Variants in MMADHC observed in about 807,000 individuals in gnomAD.
The protein encoded by MMADHC is cobalamin trafficking protein CblD.
In MMADHC, 23 loss-of-function variants were observed where a neutral mutation model predicts 36.3. That is an observed-to-expected ratio of 0.63 (90% CI 0.46 to 0.90). The LOEUF is 0.90. Ranked by LOEUF, MMADHC falls within the 40% of genes least tolerant of loss-of-function variation. The pLI, the probability that MMADHC is intolerant of heterozygous loss-of-function variation, is 0.00. For missense variants in MMADHC, 330 were observed against 348.0 expected (o/e 0.95, Z 0.41); for synonymous variants, 97 against 116.1 (o/e 0.84, Z 1.06).
rs1232191985 is a variant in MMADHC, at chr2:149,576,520, T to G, written c.395A>C (p.Gln132Pro). Reference protein sequence around the residue: ...EFQGNDAPVEQEINSAETYFE... With the variant: ...EFQGNDAPVEPEINSAETYFE... ...GTAAGTTTCTGCACTGTTAATTTCT[T>G]GTTCAACAGGTGCATCATTACCCTA... The change falls in exon 5 of 8, where the codon CAA becomes CCA. Residue 132 changes from glutamine to proline, a missense_variant. Gln to Pro is a moderately conservative substitution (Grantham distance 76). Transcript: ENST00000303319. 6.2e-7 allele frequency: 1 copy of G among 1,613,274 alleles called. No individual in the cohort carries two copies. Among genetic ancestry groups the G allele is most frequent in the Non-Finnish European group, 8.5e-7 (1 of 1,179,400 alleles).
In MMADHC at chr2:149,581,999, T is replaced by A. The variant is rs1241856886; in HGVS notation, c.154+128A>T. The A allele has an allele frequency of 7.0e-6, 7 of 1,006,364 alleles. No homozygotes were observed. The East Asian group carries it at 7.8e-5, about 11-fold the overall frequency. The allele number at this position is 1,006,364 out of a possible 1,614,324, so 62.3% of individuals were successfully genotyped here. A position where few individuals can be genotyped will look rare whatever the true frequency, so the allele number is the denominator to read the frequency against. On this transcript the variant is annotated intron_variant, in intron 3 of 7. Coordinates refer to ENST00000303319, the MANE Select transcript of MMADHC (RefSeq NM_015702.3). ...TAAATATATTTAGGCAGAGCTGTGATTCATTTTCAACTGAACAAACACAAC... is the reference window on the plus strand; with the variant it reads ...TAAATATATTTAGGCAGAGCTGTGAATCATTTTCAACTGAACAAACACAAC...
At position 149,576,527 on chromosome 2, in the gene MMADHC, C is replaced by G; in HGVS notation, c.388G>C (p.Val130Leu). The change falls in exon 5 of 8, where the codon GTT (valine) becomes CTT (leucine). Residue 130 changes from valine to leucine, a missense_variant. Val to Leu is a conservative substitution (Grantham distance 32, BLOSUM62 1). Transcript: ENST00000303319. The part of the protein sequence containing the change: ...VNEFQGNDAP[V>L]EQEINSAETY... Reference sequence around the variant, plus strand: ...TCTGCACTGTTAATTTCTTGTTCAACAGGTGCATCATTACCCTAAGGGGAA... The same window carrying G: ...TCTGCACTGTTAATTTCTTGTTCAAGAGGTGCATCATTACCCTAAGGGGAA... The G allele has an allele frequency of 6.2e-7, 1 of 1,612,372 alleles. No homozygotes were observed. Among genetic ancestry groups the G allele is most frequent in the South Asian group, 1.1e-5 (1 of 91,054 alleles).
intron 3 of MMADHC, among the ~76,000 whole-genome samples, chr2:149,580,008 A>G (rs2105048508): frequency 6.6e-6 from 1 of 152,334 alleles, no homozygotes; most frequent in Non-Finnish European, 1.5e-5. Flanking sequence ...AGCATGTATA[A>G]TAACATTTAT....
intron 6 of MMADHC, chr2:149,572,212 A>C (rs1243074893): frequency 4.7e-6 from 2 of 425,764 alleles, no homozygotes; most frequent in South Asian, 3.3e-5. Flanking sequence ...ATGTTTAAAA[A>C]CAAGGGCACA....
chr2:149,581,980 T>C (rs1682800657), intron 3 of MMADHC, 147 bp downstream of exon 3: 1 of 829,892 alleles, frequency 1.2e-6, no homozygotes. Flanking sequence ...GACATAAATA[T>C]ATTTAGGCAG....
chr2:149,579,449 T>C lies in MMADHC; in HGVS notation c.354A>G (p.Gln118=). The C allele has an allele frequency of 1.2e-6, 2 of 1,611,874 alleles. No individual in the cohort carries two copies. The highest frequency in any genetic ancestry group is 1.3e-5 in the African/African-American group (1 of 74,964). ...AATTTACCTGAAATTCATTCACATA[T>C]TGTGCCATCACAAACTCATGTCTTT... ...SSERHEFVMA[Q]YVNEFQGNDA... is the part of the protein sequence containing the mutation. The change falls in exon 4 of 8, where the codon CAA becomes CAG. Residue 118 remains glutamine, a synonymous_variant. Coordinates refer to ENST00000303319, the MANE Select transcript of MMADHC (RefSeq NM_015702.3).
chr2:149,579,356 G>T, intron 4 of MMADHC, 75 bp downstream of exon 4: 1 of 1,337,148 alleles, frequency 7.5e-7, no homozygotes, highest in Non-Finnish European at 1.1e-6. Flanking sequence ...TTCAACAAAA[G>T]TAATATGCTT....
chr2:149,579,792 C>T (rs1030580556), intron 3 of MMADHC, 144 bp from the exon 4 acceptor site: 2 of 755,896 alleles, frequency 2.6e-6, no homozygotes, highest in South Asian at 1.9e-5. Flanking sequence ...TAAATAGTTT[C>T]CTATTGTTTC....
intron 3 of MMADHC, among the ~76,000 whole-genome samples, chr2:149,580,389 T>C (rs1226335569): frequency 6.6e-6 from 1 of 152,144 alleles, no homozygotes; most frequent in Non-Finnish European, 1.5e-5. Flanking sequence ...TCACATGACC[T>C]AATGCTCTGT....
intron 3 of MMADHC, among the ~76,000 whole-genome samples, chr2:149,580,471 T>TA (rs899386733): frequency 2.6e-5 from 4 of 151,806 alleles, no homozygotes; most frequent in Non-Finnish European, 4.4e-5. Context: ...CTTAAAACTT[T>TA]AAAAAAAATC....
Position 149,579,419 on chromosome 2 carries a change from C to A in MMADHC, c.372+12G>T. On this transcript the variant is annotated intron_variant, in intron 4 of 7. Transcript: ENST00000303319. ...AATCAGGAAAGCACAATAAATGTTACCAACAATTTACCTGAAATTCATTCA... is the reference window on the plus strand; with the variant it reads ...AATCAGGAAAGCACAATAAATGTTAACAACAATTTACCTGAAATTCATTCA... 2 of 1,598,984 alleles carry A rather than the reference C, an allele frequency of 1.3e-6. No homozygotes were observed. The highest frequency in any genetic ancestry group is 8.6e-7 in the Non-Finnish European group (1 of 1,168,214).
At position 149,579,554 on chromosome 2, in the gene MMADHC, G is replaced by A; in HGVS notation, c.249C>T (p.His83=). ...QLPGNIGFDC[H]LNGTASQKKS... ...TCTTCTGTGAAGCAGTCCCATTGAG[G>A]TGACAATCAAAACCTATGTTCCCAG... The change falls in exon 4 of 8, where the codon CAC becomes CAT. Residue 83 remains histidine (H), a synonymous_variant. Transcript: ENST00000303319. The A allele has an allele frequency of 2.5e-6, 4 of 1,613,942 alleles. No individual in the cohort carries two copies. Among genetic ancestry groups the A allele is most frequent in the South Asian group, 2.2e-5 (2 of 91,082 alleles).
intron 5 of MMADHC, 117 bp from the exon 6 acceptor site, chr2:149,575,958 G>A: frequency 2.7e-6 from 2 of 744,754 alleles, no homozygotes; most frequent in Middle Eastern, 3.8e-4. Flanking sequence ...AATTACTGTG[G>A]TATTAGTTAA....
chr2:149,586,844 GA>G (rs2105053221), intron 2 of MMADHC: 1 of 494,258 alleles, frequency 2.0e-6, no homozygotes, highest in South Asian at 3.2e-5. Context: ...AAAAAATACC[GA>G]AAGGGTGCTT....
In MMADHC at chr2:149,569,794, T is replaced by C. The variant is rs774668910; in HGVS notation, c.*180A>G. The C allele has an allele frequency of 4.9e-6, 3 of 608,342 alleles. No homozygotes were observed. The highest frequency in any genetic ancestry group is 8.7e-6 in the Non-Finnish European group (3 of 346,130). The allele number at this position is 608,342 out of a possible 1,614,324, so 37.7% of individuals were successfully genotyped here. On this transcript the variant is annotated 3_prime_UTR_variant, in exon 8 of 8. Coordinates refer to ENST00000303319, the MANE Select transcript of MMADHC (RefSeq NM_015702.3). ...GATGTGTTCAACGTGTATTCAATGA[T>C]ATGAATAAATGAACATTTGCAATTT...
At chr2:149,585,471 T>C (rs192336412) in intron 2 of MMADHC, among the ~76,000 whole-genome samples, 1 of 152,360 alleles carries the variant, frequency 6.6e-6, no homozygotes, top group East Asian at 1.9e-4. Context: ...TCCCACAGTG[T>C]TGCAAGATAT....
chr2:149,573,210 C>T (rs563671541), intron 6 of MMADHC, among the ~76,000 whole-genome samples: 10 of 152,056 alleles, frequency 6.6e-5, no homozygotes, highest in Non-Finnish European at 1.0e-4. Context: ...CTAGGTACCG[C>T]CTAATCGAAC....
intron 4 of MMADHC, 89 bp downstream of exon 4, chr2:149,579,342 C>T (rs1682761032): frequency 2.3e-6 from 3 of 1,278,170 alleles, no homozygotes; most frequent in Non-Finnish European, 3.3e-6. Context: ...TGATTTTTTA[C>T]TTTTTCAACA....
intron 3 of MMADHC, 119 bp from the exon 4 acceptor site, chr2:149,579,767 T>C (rs2105048375): frequency 1.1e-6 from 1 of 907,194 alleles, no homozygotes; most frequent in Admixed American, 2.6e-5. Flanking sequence ...CAAAATCTGC[T>C]TTCCCATGTG....
Sources: allele counts gnomAD v4.1 joint callset (sites outside exome capture counted in the v4.1 genomes callset), GRCh38; gene constraint gnomAD v4.1.1; transcripts MANE v1.5; gene names NCBI Gene and HGNC (gene_info 2026-07-23, HGNC 2026-07-21).